Variants in ARMC10 observed in about 807,000 individuals in gnomAD.
ARMC10 encodes the protein armadillo repeat containing 10.
A neutral mutation model predicts 30.2 loss-of-function variants in ARMC10; 23 were observed. That is an observed-to-expected ratio of 0.76 (90% CI 0.55 to 1.08). The LOEUF (loss-of-function observed/expected upper bound fraction) is 1.08, where lower values mean the gene tolerates loss of function less well. Ranked by LOEUF, ARMC10 falls within the 50% of genes least tolerant of loss-of-function variation. The pLI, the probability that ARMC10 is intolerant of heterozygous loss-of-function variation, is 0.00. For missense variants in ARMC10, 303 were observed against 413.7 expected, an observed-to-expected ratio of 0.73 and a Z score of 2.32; for synonymous variants, 111 against 164.4, an observed-to-expected ratio of 0.68 and a Z score of 2.48.
chr7:103,078,895 G>C (rs777537252), intron 2 of ARMC10, among the ~76,000 whole-genome samples: 1 of 152,136 alleles, frequency 6.6e-6, no homozygotes, highest in Non-Finnish European at 1.5e-5. Context: ...TGTAGTCCCA[G>C]CTACTCAGGA....
chr7:103,078,025 G>A lies in ARMC10; in HGVS notation c.244+2144G>A, dbSNP rs183196657. ...TTTTCTTTTTTTTTGAGACGGAGTC[G>A]CACTCTGTCTCCCAGGCTGGAGTGC... On this transcript the variant is annotated intron_variant, in intron 2 of 6. Transcript: ENST00000323716. Among the ~76,000 whole-genome samples the A allele has an allele frequency of 3.6e-4, 54 of 151,756 alleles. No homozygotes were observed. In the South Asian group the frequency reaches 9.6e-3, roughly 27 times the overall value.
At chr7:103,084,433 A>T (rs964787034) in intron 3 of ARMC10, among the ~76,000 whole-genome samples, 2 of 152,240 alleles carry the variant, frequency 1.3e-5, no homozygotes, top group Non-Finnish European at 1.5e-5. Context: ...TTTTGAATTT[A>T]TAGTTTTTTT....
In ARMC10 at chr7:103,075,855, C is replaced by T; in HGVS notation, c.218C>T (p.Ser73Leu). The T allele has an allele frequency of 6.2e-7, 1 of 1,609,796 alleles. No individual in the cohort carries two copies. Among genetic ancestry groups the T allele is most frequent in the African/African-American group, 1.3e-5 (1 of 74,996 alleles). ...CCTCAGACGGGAGGTACCTGGGAGT[C>T]ACAGTGGTCCAAGACCTCGCAGCCT... ...ARPQTGGTWE[S>L]QWSKTSQPED... is the part of the protein sequence containing the mutation. Residue 73 changes from serine (S) to leucine (L), a missense_variant, in exon 2 of 7, where the codon TCA becomes TTA. Transcript: ENST00000323716.
chr7:103,092,477 A>G lies in ARMC10; in HGVS notation c.529A>G (p.Ile177Val). The G allele has an allele frequency of 1.3e-6, 2 of 1,572,214 alleles. No homozygotes were observed. Among genetic ancestry groups the G allele is most frequent in the South Asian group, 1.1e-5 (1 of 88,030 alleles). ...VNVENQIKIKIYISQVCEDVF... is the reference protein window; with the variant it reads ...VNVENQIKIKVYISQVCEDVF... ...GCTCATTTTCCTCCCCTGCCTTCAG[A>G]TATACATCAGTCAAGTATGTGAGGA... Residue 177 changes from isoleucine to valine, a missense_variant and splice_region_variant, in exon 5 of 7, where the codon ATA becomes GTA. This residue lies in a region of ARMC10 where 170 missense variants were observed against 207.2 expected (regional missense o/e 0.82). Transcript: ENST00000323716.
At position 103,097,268 on chromosome 7, in the gene ARMC10, T is replaced by A. The variant is rs753575092; in HGVS notation, c.706-9T>A. 114 of 1,612,282 alleles carry A rather than the reference T, an allele frequency of 7.1e-5. No homozygotes were observed. Among genetic ancestry groups the A allele is most frequent in the South Asian group, 2.4e-4 (22 of 91,006 alleles). On this transcript the variant is annotated splice_polypyrimidine_tract_variant and intron_variant, in intron 5 of 6. Coordinates refer to ENST00000323716, the MANE Select transcript of ARMC10 (RefSeq NM_031905.5). Reference sequence around the variant, plus strand: ...CAGTCTGAGATAAGCCAGTATCATCTTCTTTCAGGTGCAAGTTTTGAAACT... The same window carrying A: ...CAGTCTGAGATAAGCCAGTATCATCATCTTTCAGGTGCAAGTTTTGAAACT...
intron 2 of ARMC10, among the ~76,000 whole-genome samples, chr7:103,077,441 C>T (rs551930819): frequency 3.9e-5 from 6 of 151,984 alleles, no homozygotes; most frequent in Non-Finnish European, 8.8e-5. Flanking sequence ...ATTGAGGGGC[C>T]GTAGCTGGTA....
chr7:103,077,199 AT>A, intron 2 of ARMC10, among the ~76,000 whole-genome samples: 1 of 152,180 alleles, frequency 6.6e-6, no homozygotes, highest in Non-Finnish European at 1.5e-5. Context: ...CCAATAAAGG[AT>A]TTTTAATTAC....
chr7:103,087,753 G>A (rs1800985755), intron 4 of ARMC10: 1 of 984,004 alleles, frequency 1.0e-6, no homozygotes, highest in Non-Finnish European at 1.2e-6. Context: ...ATTTAGTTTA[G>A]ATAAAGACTT....
At chr7:103,081,170 G>A (rs1490837423) in intron 2 of ARMC10, among the ~76,000 whole-genome samples, 1 of 152,124 alleles carries the variant, frequency 6.6e-6, no homozygotes, top group African/African-American at 2.4e-5. Context: ...CTCTTACCTG[G>A]TAAGTAGCTT....
intron 2 of ARMC10, among the ~76,000 whole-genome samples, chr7:103,076,577 C>G (rs1370120896): frequency 6.6e-6 from 1 of 152,194 alleles, no homozygotes; most frequent in Non-Finnish European, 1.5e-5. Flanking sequence ...TGGCTCACAC[C>G]TGTAATCCCA....
intron 6 of ARMC10, among the ~76,000 whole-genome samples, chr7:103,098,011 C>T (rs1801907373): frequency 6.6e-6 from 1 of 152,060 alleles, no homozygotes; most frequent in African/African-American, 2.4e-5. Flanking sequence ...TTGTTTTTCC[C>T]AAATAACCAC....
intron 2 of ARMC10, among the ~76,000 whole-genome samples, chr7:103,079,375 C>A (rs1045005410): frequency 4.6e-5 from 7 of 152,060 alleles, no homozygotes; most frequent in Admixed American, 1.3e-4. Context: ...TAAAAACTTG[C>A]AGCAAGTAAG....
rs751734213 is a variant in ARMC10 at position 103,075,828 on chromosome 7, G to C, written c.191G>C (p.Arg64Pro). 1.5e-5 allele frequency: 24 copies of C among 1,611,174 alleles called. No individual in the cohort carries two copies. The African/African-American group carries it at 2.9e-4, about 20-fold the overall frequency. ...GGTCAGTTGTGCGGGCGCTCGGCCC[G>C]GCCTCAGACGGGAGGTACCTGGGAG... is the stretch of plus-strand genomic sequence containing the variant. ...SEGQLCGRSA[R>P]PQTGGTWESQ... The change falls in exon 2 of 7, where the codon CGG (arginine) becomes CCG (proline). Residue 64 changes from arginine to proline, a missense_variant. Physicochemically the swap from Arg to Pro is moderately radical, Grantham distance 103 (BLOSUM62 -2). Coordinates refer to ENST00000323716, the MANE Select transcript of ARMC10 (RefSeq NM_031905.5).
chr7:103,077,512 C>T (rs977522984), intron 2 of ARMC10, among the ~76,000 whole-genome samples: 3 of 152,110 alleles, frequency 2.0e-5, no homozygotes, highest in African/African-American at 7.2e-5. Context: ...TGTTAACATG[C>T]TGACTCAGGT....
intron 4 of ARMC10, among the ~76,000 whole-genome samples, chr7:103,090,697 G>A (rs1035602443): frequency 6.8e-6 from 1 of 146,710 alleles, no homozygotes; most frequent in African/African-American, 2.6e-5. Context: ...GGGTCTCACC[G>A]TGTTGACCAG....
chr7:103,098,245 A>G, intron 6 of ARMC10, 54 bp from the exon 7 acceptor site: 1 of 1,245,830 alleles, frequency 8.0e-7, no homozygotes. Flanking sequence ...ATATACATGA[A>G]AAAGTTTTCA....
intron 6 of ARMC10, 56 bp downstream of exon 6, chr7:103,097,404 C>A: frequency 8.0e-7 from 1 of 1,251,730 alleles, no homozygotes; most frequent in Non-Finnish European, 1.2e-6. Context: ...TTTGAACAGA[C>A]AGACAGATCT....
intron 5 of ARMC10, among the ~76,000 whole-genome samples, chr7:103,095,059 T>C (rs922070213): frequency 2.6e-5 from 4 of 152,232 alleles, no homozygotes; most frequent in African/African-American, 9.6e-5. Flanking sequence ...ATTGTGACTA[T>C]ACAGGATATT....
intron 4 of ARMC10, 77 bp from the exon 5 acceptor site, chr7:103,092,400 C>T (rs1801423720): frequency 1.0e-6 from 1 of 997,482 alleles, no homozygotes; most frequent in South Asian, 2.1e-5. Flanking sequence ...AGCCCTACTC[C>T]ACTGTGCAGA....
Sources: gnomAD v4.1 joint callset for allele counts (sites outside exome capture counted in the v4.1 genomes callset) on GRCh38, gnomAD v4.1.1 for gene constraint, gnomAD v4.1.1 regional missense constraint, MANE v1.5 for transcripts, NCBI Gene and HGNC (gene_info 2026-07-23, HGNC 2026-07-21) for gene names.